ITPR2: variants seen among roughly 807,000 people sequenced by gnomAD.
The protein encoded by ITPR2 is inositol 1,4,5-trisphosphate-gated calcium channel ITPR2.
A neutral mutation model predicts 317.1 loss-of-function variants in ITPR2; 207 were observed. The observed-to-expected ratio is 0.65, with a 90% CI of 0.58 to 0.73. The LOEUF is 0.73. Among genes scored for constraint, ITPR2 ranks in the 30% least tolerant of loss-of-function variants. ITPR2 has a pLI of 0.00. For missense variants in ITPR2, 2,613 were observed against 3,284.0 expected (o/e 0.80, Z 4.99); for synonymous variants, 1,156 against 1,149.1 (o/e 1.01, Z -0.12).
intron 21 of ITPR2, chr12:26,649,130 TC>T (rs1452147559): frequency 6.6e-6 from 1 of 152,036 alleles, no homozygotes; most frequent in Non-Finnish European, 1.5e-5. Context: ...TACAAAGAAC[TC>T]CCACATAGAC....
intron 55 of ITPR2, among the ~76,000 whole-genome samples, chr12:26,377,253 C>T (rs569902968): frequency 6.6e-6 from 1 of 152,300 alleles, no homozygotes; most frequent in Non-Finnish European, 1.5e-5. Context: ...GACTCCACTG[C>T]TGCCGTGTGT....
At chr12:26,832,515 T>C (rs1951130765) in intron 1 of ITPR2, among the ~76,000 whole-genome samples, 175 bp downstream of exon 1, 1 of 152,236 alleles carries the variant, frequency 6.6e-6, no homozygotes, top group Admixed American at 6.5e-5. Context: ...TCAGGGCAGC[T>C]TCCTGCGAGC....
chr12:26,432,201 G>A (rs1461774896), intron 48 of ITPR2, among the ~76,000 whole-genome samples: 8 of 151,650 alleles, frequency 5.3e-5, no homozygotes, highest in Non-Finnish European at 1.2e-4. Context: ...TCTGAACCAG[G>A]GTCACACATG....
chr12:26,653,796 T>C (rs955275916), intron 21 of ITPR2, among the ~76,000 whole-genome samples, 180 bp downstream of exon 21: 6 of 152,258 alleles, frequency 3.9e-5, no homozygotes, highest in Admixed American at 3.9e-4. Flanking sequence ...TTTAGCATTA[T>C]AAACAGAGAT....
chr12:26,824,668 A>G (rs954289557), intron 1 of ITPR2, among the ~76,000 whole-genome samples: 5 of 152,240 alleles, frequency 3.3e-5, no homozygotes, highest in African/African-American at 9.6e-5. Flanking sequence ...AAAGTAATAG[A>G]TGTTTAATTT....
chr12:26,561,376 T>C (rs1485503208), intron 35 of ITPR2, among the ~76,000 whole-genome samples: 2 of 152,234 alleles, frequency 1.3e-5, no homozygotes, highest in African/African-American at 4.8e-5. Context: ...TGAGATACTA[T>C]ACAAGTAATT....
At chr12:26,627,924 A>G in intron 23 of ITPR2, 109 bp downstream of exon 23, 1 of 1,043,014 alleles carries the variant, frequency 9.6e-7, no homozygotes, top group Non-Finnish European at 1.4e-6. Flanking sequence ...AGTATAATAA[A>G]AAAATTTAAA....
rs2230377 is a variant in ITPR2 at position 26,596,898 on chromosome 12, G to A, written c.4239C>T (p.Asp1413=). The change falls in exon 31 of 57, where the codon GAC becomes GAT. Residue 1413 remains aspartate (D), a synonymous_variant. Transcript: ENST00000381340. ...LDDIVRVVTH[D]DCIPEVKIAY... ...CCAGGCTTACCTCAGGGATGCAGTCGTCATGGGTCACCACCCTCACTATGT... is the reference window on the plus strand; with the variant it reads ...CCAGGCTTACCTCAGGGATGCAGTCATCATGGGTCACCACCCTCACTATGT... The A allele has an allele frequency of 0.32, 495,390 of 1,551,232 alleles. 84,401 individuals carry two copies. Among genetic ancestry groups the A allele is most frequent in the Non-Finnish European group, 0.35 (402,549 of 1,147,680 alleles).
At chr12:26,380,791 C>T (rs964345549) in intron 55 of ITPR2, among the ~76,000 whole-genome samples, 1 of 152,184 alleles carries the variant, frequency 6.6e-6, no homozygotes, top group African/African-American at 2.4e-5. Flanking sequence ...ATCTCCCCTC[C>T]AACAGTTACT....
intron 45 of ITPR2, among the ~76,000 whole-genome samples, chr12:26,461,901 C>CT (rs952428287): frequency 4.1e-5 from 6 of 147,328 alleles, no homozygotes; most frequent in East Asian, 4.0e-4. Context: ...CAGAAGGGGA[C>CT]TTTTTTTTTG....
rs138913971 is a variant in ITPR2 at position 26,692,559 on chromosome 12, A to G, written c.996+3047T>C. ...TGCAGCTTTTCAAGGAGAAGAAACT[A>G]ATGACTGTCAGGTTCCCAGCTGGGC... is the stretch of plus-strand genomic sequence containing the variant. On this transcript the variant is annotated intron_variant, in intron 10 of 56. Coordinates refer to ENST00000381340, the MANE Select transcript of ITPR2 (RefSeq NM_002223.4). Among the ~76,000 whole-genome samples, 7 of 152,254 alleles carry G rather than the reference A, an allele frequency of 4.6e-5. No homozygotes were observed. In the East Asian group the frequency reaches 1.2e-3, roughly 25 times the overall value.
chr12:26,340,691 CTT>C (rs1308845983), intron 55 of ITPR2, among the ~76,000 whole-genome samples: 1 of 151,854 alleles, frequency 6.6e-6, no homozygotes, highest in Non-Finnish European at 1.5e-5. Context: ...CACTGTTTCT[CTT>C]TCCCCCTGGC....
chr12:26,341,413 C>A (rs901838), intron 55 of ITPR2, among the ~76,000 whole-genome samples: 1 of 152,150 alleles, frequency 6.6e-6, no homozygotes, highest in Non-Finnish European at 1.5e-5. Context: ...ATGAGAGTCA[C>A]TGGAGTGTTC....
intron 1 of ITPR2, among the ~76,000 whole-genome samples, chr12:26,815,442 A>C (rs1950835516): frequency 6.6e-6 from 1 of 152,252 alleles, no homozygotes; most frequent in African/African-American, 2.4e-5. Context: ...ATCTCAAAAA[A>C]TAAAACTAAA....
At position 26,659,370 on chromosome 12, in the gene ITPR2, T is replaced by C. The variant is rs1212093326; in HGVS notation, c.1714-85A>G. ...ATTAGGGTCAACAACATTGATTAATTTATTCACAACAGAAGGTTCACTAAA... is the reference window on the plus strand; with the variant it reads ...ATTAGGGTCAACAACATTGATTAATCTATTCACAACAGAAGGTTCACTAAA... On this transcript the variant is annotated intron_variant, in intron 15 of 56. Transcript: ENST00000381340. 5 of 1,191,158 alleles carry C rather than the reference T, an allele frequency of 4.2e-6. No individual in the cohort carries two copies. In the Admixed American group the frequency reaches 1.1e-4, roughly 26 times the overall value. The allele number at this position is 1,191,158 out of a possible 1,614,324, so 73.8% of individuals were successfully genotyped here.
chr12:26,446,113 C>CT, intron 45 of ITPR2, among the ~76,000 whole-genome samples: 1 of 152,074 alleles, frequency 6.6e-6, no homozygotes, highest in East Asian at 1.9e-4. Context: ...AAGTAGGAAG[C>CT]TGATAATGAG....
At chr12:26,822,641 AGGG>A (rs1950954096) in intron 1 of ITPR2, among the ~76,000 whole-genome samples, 3 of 152,218 alleles carry the variant, frequency 2.0e-5, no homozygotes, top group African/African-American at 7.2e-5. Context: ...AAACAAATAC[AGGG>A]AAAGGAGGTA....
intron 34 of ITPR2, among the ~76,000 whole-genome samples, chr12:26,577,871 C>T (rs1325214220): frequency 2.0e-5 from 3 of 152,106 alleles, no homozygotes; most frequent in Admixed American, 6.5e-5. Flanking sequence ...AATTGCATAA[C>T]CTATAAAACT....
chr12:26,362,702 C>T (rs148782637), intron 55 of ITPR2, among the ~76,000 whole-genome samples: 5 of 152,300 alleles, frequency 3.3e-5, no homozygotes, highest in East Asian at 1.9e-4. Context: ...TCAAATCTGA[C>T]GTTCTTGGTC....
Sources: gnomAD v4.1 joint callset for allele counts (sites outside exome capture counted in the v4.1 genomes callset) on GRCh38, gnomAD v4.1.1 for gene constraint, MANE v1.5 for transcripts, NCBI Gene and HGNC (gene_info 2026-07-23, HGNC 2026-07-21) for gene names.